Variants in GRIK4 observed in about 807,000 individuals in gnomAD.
GRIK4 encodes glutamate receptor ionotropic, kainate 4.
GRIK4 carries 40 observed loss-of-function variants against 104.9 expected under a neutral mutation model. The observed-to-expected ratio is 0.38, with a 90% CI of 0.30 to 0.50. GRIK4 has a LOEUF of 0.50. GRIK4 is among the 20% of genes least tolerant of loss of function. The pLI, the probability that GRIK4 is intolerant of heterozygous loss-of-function variation, is 0.93. For synonymous variants in GRIK4, 485 were observed against 524.9 expected, an observed-to-expected ratio of 0.92 and a Z score of 1.04; for missense variants, 1,047 against 1,308.1, an observed-to-expected ratio of 0.80 and a Z score of 3.08.
intron 8 of GRIK4, among the ~76,000 whole-genome samples, chr11:120,853,558 A>C (rs1954025030): frequency 6.6e-6 from 1 of 152,200 alleles, no homozygotes; most frequent in African/African-American, 2.4e-5. Flanking sequence ...GCTTACATGA[A>C]TGAATGAATG....
intron 1 of GRIK4, among the ~76,000 whole-genome samples, chr11:120,534,728 C>T (rs2508653): frequency 0.38 from 58,004 of 151,982 alleles, 12,106 homozygotes; most frequent in East Asian, 0.63. Flanking sequence ...ACTGCCATAG[C>T]AGAAGAGCAT....
At chr11:120,915,590 C>T (rs148390285) in intron 13 of GRIK4, among the ~76,000 whole-genome samples, 10 of 152,260 alleles carry the variant, frequency 6.6e-5, no homozygotes, top group African/African-American at 2.2e-4. Context: ...TACCTGCGCT[C>T]GGTGGAGGGC....
intron 17 of GRIK4, among the ~76,000 whole-genome samples, 174 bp from the exon 18 acceptor site, chr11:120,962,282 G>C (rs1944301042): frequency 1.3e-5 from 2 of 152,184 alleles, no homozygotes; most frequent in Non-Finnish European, 2.9e-5. Flanking sequence ...CCATTACACA[G>C]TGACAGTGAA....
chr11:120,825,497 G>A (rs187566143), intron 6 of GRIK4, among the ~76,000 whole-genome samples: 324 of 152,316 alleles, frequency 2.1e-3, no homozygotes, highest in African/African-American at 7.4e-3. Context: ...TCTTTCAAAT[G>A]AGGCAAGGCC....
At chr11:120,917,739 G>A (rs937446286) in intron 13 of GRIK4, among the ~76,000 whole-genome samples, 18 of 152,310 alleles carry the variant, frequency 1.2e-4, no homozygotes, top group African/African-American at 4.3e-4. Flanking sequence ...AGTTCAGTTA[G>A]GTTCAGTGCT....
At chr11:120,798,516 G>A (rs1043204473) in intron 3 of GRIK4, among the ~76,000 whole-genome samples, 2 of 151,932 alleles carry the variant, frequency 1.3e-5, no homozygotes, top group Non-Finnish European at 2.9e-5. Context: ...TCACTCTGTC[G>A]ACCAGGCTGG....
chr11:120,602,112 T>G (rs1321281683), intron 1 of GRIK4, among the ~76,000 whole-genome samples: 3 of 152,096 alleles, frequency 2.0e-5, no homozygotes, highest in Admixed American at 6.5e-5. Context: ...CTCATCCTCC[T>G]CTTTCATCCA....
chr11:120,957,590 A>AGTGTGTGTGTGTGTGTGTGT (rs1391101838), intron 16 of GRIK4, among the ~76,000 whole-genome samples: 3 of 31,154 alleles, frequency 9.6e-5, no homozygotes, highest in African/African-American at 2.2e-4. Flanking sequence ...AGACAAAACA[A>AGTGTGTGTGTGTGTGTGTGT]ATGTGTGTGT....
intron 1 of GRIK4, among the ~76,000 whole-genome samples, chr11:120,596,577 C>T (rs1243255158): frequency 2.6e-5 from 4 of 151,942 alleles, no homozygotes; most frequent in East Asian, 3.8e-4. Flanking sequence ...TATGTGTCTA[C>T]GTTGAAGTCT....
chr11:120,842,028 C>T (rs1328306559), intron 8 of GRIK4, among the ~76,000 whole-genome samples: 2 of 152,182 alleles, frequency 1.3e-5, no homozygotes, highest in African/African-American at 4.8e-5. Flanking sequence ...TGGAGGTTCT[C>T]TGTCCTCATA....
intron 3 of GRIK4, among the ~76,000 whole-genome samples, chr11:120,727,128 T>C (rs1295315269): frequency 6.6e-6 from 1 of 152,082 alleles, no homozygotes; most frequent in Non-Finnish European, 1.5e-5. Context: ...GGAACTGCAG[T>C]TGGGAGGGGT....
chr11:120,729,156 C>T (rs1342459117), intron 3 of GRIK4, among the ~76,000 whole-genome samples: 1 of 152,168 alleles, frequency 6.6e-6, no homozygotes, highest in Non-Finnish European at 1.5e-5. Flanking sequence ...TTTATCCATT[C>T]ATCTGTTGAC....
At chr11:120,957,557 A>G (rs1944184537) in intron 16 of GRIK4, among the ~76,000 whole-genome samples, 1 of 148,220 alleles carries the variant, frequency 6.7e-6, no homozygotes. Context: ...CATTGTTATT[A>G]GACCATTATG....
chr11:120,802,571 A>G, intron 3 of GRIK4, 122 bp from the exon 4 acceptor site: 1 of 817,232 alleles, frequency 1.2e-6, no homozygotes, highest in South Asian at 1.5e-5. Context: ...GCATGGCAGG[A>G]TGGAGAGGAA....
chr11:120,668,764 C>A (rs1210979024), intron 3 of GRIK4, among the ~76,000 whole-genome samples: 1 of 152,204 alleles, frequency 6.6e-6, no homozygotes, highest in African/African-American at 2.4e-5. Context: ...CCAGACTGCT[C>A]GGATATGAAT....
chr11:120,516,256 C>T (rs993291928), intron 1 of GRIK4, among the ~76,000 whole-genome samples: 8 of 152,024 alleles, frequency 5.3e-5, no homozygotes, highest in South Asian at 2.1e-4. Context: ...GGGAACATGG[C>T]GTGTGTGTTG....
At chr11:120,832,474 C>T (rs1304821306) in intron 7 of GRIK4, among the ~76,000 whole-genome samples, 1 of 152,180 alleles carries the variant, frequency 6.6e-6, no homozygotes, top group African/African-American at 2.4e-5. Flanking sequence ...ACACGGTGCA[C>T]AACAGTTACA....
At chr11:120,941,962 C>T (rs1223145752) in intron 14 of GRIK4, among the ~76,000 whole-genome samples, 1 of 152,136 alleles carries the variant, frequency 6.6e-6, no homozygotes, top group Non-Finnish European at 1.5e-5. Flanking sequence ...AATGAGGAAA[C>T]TAAGTTGTAA....
rs558642393 is a variant in GRIK4, at chr11:120,817,998, A to ACGATGTTT, written c.346-1757_346-1756insCGATGTTT. Among the ~76,000 whole-genome samples, 16 of 152,362 alleles carry ACGATGTTT rather than the reference A, an allele frequency of 1.1e-4. 1 individual carries two copies. The East Asian group carries it at 2.7e-3, about 26-fold the overall frequency. On this transcript the variant is annotated intron_variant, in intron 5 of 20. Transcript: ENST00000527524. ...AGCACCTGTGGTTATCTCCATTTTA[A>ACGATGTTT]TGATGTTTTGACAAGTTAAGTGGTT...
Sources: gnomAD v4.1 joint callset for allele counts (sites outside exome capture counted in the v4.1 genomes callset) on GRCh38, gnomAD v4.1.1 for gene constraint, MANE v1.5 for transcripts, NCBI Gene and HGNC (gene_info 2026-07-23, HGNC 2026-07-21) for gene names.